NALF1: variants seen among roughly 807,000 people sequenced by gnomAD.
NALF1 encodes the protein NALCN channel auxiliary factor 1.
A neutral mutation model predicts 48.4 loss-of-function variants in NALF1; 3 were observed. That is an observed-to-expected ratio of 0.06 (90% CI 0.03 to 0.16). The LOEUF (loss-of-function observed/expected upper bound fraction) is 0.16. Ranked by LOEUF, NALF1 falls within the 10% of genes least tolerant of loss-of-function variation. NALF1 has a pLI of 1.00. For missense variants in NALF1, 526 were observed against 571.5 expected, an observed-to-expected ratio of 0.92 and a Z score of 0.81; for synonymous variants, 262 against 245.7, an observed-to-expected ratio of 1.07 and a Z score of -0.62.
chr13:107,576,423 T>C (rs1357805002), intron 1 of NALF1, among the ~76,000 whole-genome samples: 1 of 152,174 alleles, frequency 6.6e-6, no homozygotes, highest in Non-Finnish European at 1.5e-5. Flanking sequence ...ACTAAGTTTA[T>C]ACCCTACTAC....
rs1225942039 is a variant in NALF1 at position 107,500,659 on chromosome 13, G to A, written c.916-289904C>T. 2.0e-5 allele frequency among the ~76,000 whole-genome samples: 3 copies of A among 151,012 alleles called. 1 individual carries two copies. The highest frequency in any genetic ancestry group is 7.3e-5 in the African/African-American group (3 of 40,908). On this transcript the variant is annotated intron_variant, in intron 1 of 2. Transcript: ENST00000375915. ...GCTATAAAGACACATGCACACGTAT[G>A]TTTATTGTGGCACTATTCACAATAG... is the stretch of plus-strand genomic sequence containing the variant.
chr13:107,627,737 CTAT>C (rs1566420870), intron 1 of NALF1, among the ~76,000 whole-genome samples: 1 of 152,006 alleles, frequency 6.6e-6, no homozygotes. Flanking sequence ...ATCCCATAGG[CTAT>C]TATTAGAAAT....
chr13:107,804,329 A>G (rs1322988674), intron 1 of NALF1, among the ~76,000 whole-genome samples: 1 of 152,162 alleles, frequency 6.6e-6, no homozygotes, highest in Admixed American at 6.6e-5. Context: ...CTGGGGAGAC[A>G]GAGAGAAAAA....
intron 1 of NALF1, among the ~76,000 whole-genome samples, chr13:107,427,145 T>C (rs1214599179): frequency 1.3e-5 from 2 of 151,634 alleles, no homozygotes; most frequent in Admixed American, 1.3e-4. Context: ...TTTTAAAAAA[T>C]AGGCATATTG....
At chr13:107,732,687 A>C (rs1157442197) in intron 1 of NALF1, among the ~76,000 whole-genome samples, 1 of 152,220 alleles carries the variant, frequency 6.6e-6, no homozygotes, top group Non-Finnish European at 1.5e-5. Context: ...TAGAGAAGAC[A>C]GGTGAATCTG....
intron 1 of NALF1, among the ~76,000 whole-genome samples, chr13:107,798,650 C>G (rs1024506403): frequency 6.6e-6 from 1 of 152,096 alleles, no homozygotes; most frequent in Non-Finnish European, 1.5e-5. Flanking sequence ...AAAACAACCC[C>G]AAGGAATTCA....
At chr13:107,314,068 T>C (rs1278654625) in intron 1 of NALF1, among the ~76,000 whole-genome samples, 2 of 152,096 alleles carry the variant, frequency 1.3e-5, no homozygotes, top group Non-Finnish European at 2.9e-5. Flanking sequence ...AAAATAACTT[T>C]ACAGCAAAAT....
intron 1 of NALF1, among the ~76,000 whole-genome samples, chr13:107,514,509 G>C (rs1875998439): frequency 6.6e-6 from 1 of 151,856 alleles, no homozygotes; most frequent in Non-Finnish European, 1.5e-5. Flanking sequence ...AAGAACCTTT[G>C]AATGGGCCCA....
At chr13:107,679,234 TGGCAGGA>T (rs1881213193) in intron 1 of NALF1, among the ~76,000 whole-genome samples, 1 of 152,218 alleles carries the variant, frequency 6.6e-6, no homozygotes, top group African/African-American at 2.4e-5. Flanking sequence ...AAAAAAATTA[TGGCAGGA>T]AAATATGCAT....
chr13:107,589,097 G>C lies in NALF1; in HGVS notation c.915+276585C>G, dbSNP rs145190958. Among the ~76,000 whole-genome samples the C allele has an allele frequency of 2.0e-4, 31 of 152,116 alleles. 1 individual carries two copies. In the East Asian group the frequency reaches 5.8e-3, roughly 28 times the overall value. ...GTTTATGGTTTTCCTTATTTTTGAG[G>C]AGTAGCGTATACAATGAATTCTCAA... On this transcript the variant is annotated intron_variant, in intron 1 of 2. Coordinates refer to ENST00000375915, the MANE Select transcript of NALF1 (RefSeq NM_001080396.3).
At chr13:107,553,466 G>C (rs759012358) in intron 1 of NALF1, among the ~76,000 whole-genome samples, 1 of 152,160 alleles carries the variant, frequency 6.6e-6, no homozygotes, top group Non-Finnish European at 1.5e-5. Context: ...GGAATTATAA[G>C]AGAGTATTTA....
At chr13:107,398,003 C>T (rs923663401) in intron 1 of NALF1, among the ~76,000 whole-genome samples, 4 of 152,032 alleles carry the variant, frequency 2.6e-5, no homozygotes, top group African/African-American at 9.7e-5. Flanking sequence ...TTTATTCATT[C>T]TCCCTCCACC....
intron 1 of NALF1, among the ~76,000 whole-genome samples, chr13:107,360,456 G>C (rs1196041002): frequency 6.6e-6 from 1 of 152,046 alleles, no homozygotes; most frequent in Non-Finnish European, 1.5e-5. Context: ...TGGAGTCTTA[G>C]TTATTTGCCA....
intron 1 of NALF1, among the ~76,000 whole-genome samples, chr13:107,584,822 C>T (rs538075204): frequency 1.5e-4 from 23 of 152,298 alleles, no homozygotes; most frequent in African/African-American, 5.5e-4. Context: ...ACACTTTCCT[C>T]CCAACACAGT....
intron 1 of NALF1, among the ~76,000 whole-genome samples, chr13:107,802,128 A>G (rs909154137): frequency 6.6e-6 from 1 of 152,210 alleles, no homozygotes; most frequent in African/African-American, 2.4e-5. Context: ...TAAACAGAAG[A>G]CATTTGTGTC....
intron 1 of NALF1, among the ~76,000 whole-genome samples, chr13:107,772,476 T>G (rs1267527537): frequency 1.3e-5 from 2 of 152,128 alleles, no homozygotes; most frequent in African/African-American, 2.4e-5. Context: ...ATACAATATG[T>G]CTCTATTTTT....
Position 107,170,019 on chromosome 13 carries a change from T to G in NALF1, c.*478A>C, listed in dbSNP as rs575731001. ...TTTTTATTCTTTTTTTGTTGTTGTT[T>G]TTTGCTATACCATGAGGTCATAGCA... On this transcript the variant is annotated 3_prime_UTR_variant, in exon 3 of 3. Transcript: ENST00000375915. The G allele has an allele frequency of 2.0e-5, 3 of 152,900 alleles. No homozygotes were observed. Among genetic ancestry groups the G allele is most frequent in the East Asian group, 3.9e-4 (2 of 5,182 alleles). 9.5% of individuals were successfully genotyped at this position (152,900 alleles called of 1,614,324 possible).
intron 1 of NALF1, among the ~76,000 whole-genome samples, chr13:107,274,395 A>AC (rs1159752707): frequency 6.6e-6 from 1 of 151,946 alleles, no homozygotes; most frequent in Non-Finnish European, 1.5e-5. Context: ...ACGAAATGGG[A>AC]CCCCATCTCT....
intron 1 of NALF1, among the ~76,000 whole-genome samples, chr13:107,520,272 T>C (rs1876194458): frequency 6.6e-6 from 1 of 152,198 alleles, no homozygotes; most frequent in African/African-American, 2.4e-5. Flanking sequence ...CTGATGAAGA[T>C]TTTCTGTTCT....
Sources: gnomAD v4.1 joint callset for allele counts (sites outside exome capture counted in the v4.1 genomes callset) on GRCh38, gnomAD v4.1.1 for gene constraint, MANE v1.5 for transcripts, NCBI Gene and HGNC (gene_info 2026-07-23, HGNC 2026-07-21) for gene names.